TRIM16: variants seen among roughly 807,000 people sequenced by gnomAD.
TRIM16 encodes tripartite motif containing 16.
Under a neutral mutation model 50.4 loss-of-function variants are expected in TRIM16, and 33 were observed. The observed-to-expected ratio is 0.65, with a 90% CI of 0.50 to 0.88. TRIM16 has a LOEUF of 0.88. Among genes scored for constraint, TRIM16 ranks in the 40% least tolerant of loss-of-function variants. The pLI, the probability that TRIM16 is intolerant of heterozygous loss-of-function variation, is 0.00. For missense variants in TRIM16, 581 were observed against 686.8 expected (o/e 0.85, Z 1.72); for synonymous variants, 229 against 270.7 (o/e 0.85, Z 1.51).
chr17:15,629,840 A>G (rs1401394959), intron 11 of TRIM16, among the ~76,000 whole-genome samples: 1 of 152,094 alleles, frequency 6.6e-6, no homozygotes, highest in African/African-American at 2.4e-5. Context: ...ACTTCTCTCC[A>G]GCCCCCTGCT....
At chr17:15,668,276 T>G (rs1988584335) in intron 6 of TRIM16, among the ~76,000 whole-genome samples, 1 of 152,170 alleles carries the variant, frequency 6.6e-6, no homozygotes, top group Non-Finnish European at 1.5e-5. Context: ...GGATCAGTAG[T>G]TCTGTGCTAC....
Position 15,651,840 on chromosome 17 carries a change from C to T in TRIM16, c.-231G>A. 1 of 1,425,710 alleles carries T rather than the reference C, an allele frequency of 7.0e-7. No homozygotes were observed. The highest frequency in any genetic ancestry group is 1.5e-5 in the South Asian group (1 of 67,074). The allele number at this position is 1,425,710 out of a possible 1,614,324, so 88.3% of individuals were successfully genotyped here. A position where few individuals can be genotyped will look rare whatever the true frequency, so the allele number is the denominator to read the frequency against. On this transcript the variant is annotated 5_prime_UTR_variant, in exon 7 of 12. Coordinates refer to ENST00000649191, the MANE Select transcript of TRIM16 (RefSeq NM_001348119.1). ...GAGTACTCAGGCTCAGGACAGCCGG[C>T]TCAGGCTCAGGCTGCCTCCCCAGGT... is the stretch of plus-strand genomic sequence containing the variant.
chr17:15,679,711 G>A (rs1989099768), intron 4 of TRIM16, among the ~76,000 whole-genome samples: 2 of 152,182 alleles, frequency 1.3e-5, no homozygotes, highest in African/African-American at 4.8e-5. Flanking sequence ...GCCGAGGCGG[G>A]CAGATCACAA....
Position 15,642,587 on chromosome 17 carries a change from C to T in TRIM16, c.615+134G>A, listed in dbSNP as rs146788799. 615 of 1,347,882 alleles carry T rather than the reference C, an allele frequency of 4.6e-4. 16 individuals are homozygous for T. The African/African-American group carries it at 7.6e-3, about 17-fold the overall frequency. 83.5% of individuals were successfully genotyped at this position (1,347,882 alleles called of 1,614,324 possible). Reference sequence around the variant, plus strand: ...AAATCCTGACATCAAGGTGAGGCTACCGCATGGTGTAGTCAACTGTACCTA... The same window carrying T: ...AAATCCTGACATCAAGGTGAGGCTATCGCATGGTGTAGTCAACTGTACCTA... On this transcript the variant is annotated intron_variant, in intron 8 of 11. Transcript: ENST00000649191.
At chr17:15,637,859 A>G (rs1986912017) in intron 8 of TRIM16, among the ~76,000 whole-genome samples, 5 of 130,696 alleles carry the variant, frequency 3.8e-5, no homozygotes, top group African/African-American at 9.1e-5. Context: ...GTGTCTGTGT[A>G]GAAAGAAGTA....
intron 6 of TRIM16, among the ~76,000 whole-genome samples, chr17:15,669,613 CTT>C (rs1452922697): frequency 6.6e-6 from 1 of 152,016 alleles, no homozygotes; most frequent in Non-Finnish European, 1.5e-5. Flanking sequence ...GAATATTTCA[CTT>C]TTGTAATGTA....
intron 10 of TRIM16, 38 bp downstream of exon 10, chr17:15,632,471 C>T (rs1986478999): frequency 8.9e-6 from 14 of 1,566,952 alleles, no homozygotes; most frequent in Non-Finnish European, 1.2e-5. Context: ...CTGCTAGAGA[C>T]ACACTCACTA....
chr17:15,682,694 TTC>T (rs1989230788), intron 3 of TRIM16, among the ~76,000 whole-genome samples, 158 bp downstream of exon 3: 1 of 152,248 alleles, frequency 6.6e-6, no homozygotes, highest in Non-Finnish European at 1.5e-5. Flanking sequence ...CCATACCTAT[TTC>T]TTTCTTCTCT....
chr17:15,655,473 A>G (rs534585631), intron 6 of TRIM16, among the ~76,000 whole-genome samples: 2 of 152,260 alleles, frequency 1.3e-5, no homozygotes, highest in African/African-American at 4.8e-5. Context: ...CCCTTCATCA[A>G]TGCCCCACTG....
rs144270936 is a variant in TRIM16 at position 15,648,834 on chromosome 17, G to A, written c.519+2257C>T. Reference sequence around the variant, plus strand: ...CACTTACAGAGTAAACTTGCTCTCCGAGCTGAAAACAAGGACACAGGACAA... The same window carrying A: ...CACTTACAGAGTAAACTTGCTCTCCAAGCTGAAAACAAGGACACAGGACAA... On this transcript the variant is annotated intron_variant, in intron 7 of 11. Transcript: ENST00000649191. Among the ~76,000 whole-genome samples the A allele has an allele frequency of 5.3e-3, 800 of 152,274 alleles. 5 individuals are homozygous for A. Among genetic ancestry groups the A allele is most frequent in the Middle Eastern group, 0.044 (13 of 294 alleles).
chr17:15,631,291 G>A (rs1222391837), intron 11 of TRIM16, among the ~76,000 whole-genome samples: 1 of 152,180 alleles, frequency 6.6e-6, no homozygotes, highest in African/African-American at 2.4e-5. Context: ...AATAAATTCT[G>A]TAGATTAGTT....
chr17:15,637,416 C>T (rs1179197229), intron 8 of TRIM16, among the ~76,000 whole-genome samples: 1 of 111,104 alleles, frequency 9.0e-6, no homozygotes, highest in Non-Finnish European at 1.9e-5. Flanking sequence ...GCCCTCCGCC[C>T]GGCCAGCCGC....
intron 6 of TRIM16, among the ~76,000 whole-genome samples, chr17:15,663,665 G>A (rs544296060): frequency 6.6e-6 from 1 of 152,272 alleles, no homozygotes; most frequent in Non-Finnish European, 1.5e-5. Flanking sequence ...CATCCTAAAT[G>A]GTACACTCTC....
At chr17:15,631,921 G>A in intron 10 of TRIM16, 1 of 586,142 alleles carries the variant, frequency 1.7e-6, no homozygotes, top group Non-Finnish European at 3.0e-6. Context: ...AGACCATCTT[G>A]GATTTAACTT....
At chr17:15,663,056 G>A (rs1178837952) in intron 6 of TRIM16, among the ~76,000 whole-genome samples, 1 of 152,120 alleles carries the variant, frequency 6.6e-6, no homozygotes, top group East Asian at 1.9e-4. Context: ...TGTCAGCTCT[G>A]TCTTCTCGGG....
chr17:15,647,887 A>G (rs1301059051), intron 7 of TRIM16, among the ~76,000 whole-genome samples: 1 of 151,874 alleles, frequency 6.6e-6, no homozygotes, highest in Non-Finnish European at 1.5e-5. Context: ...AGATTCAGAG[A>G]AGGTGAGAAG....
At chr17:15,663,105 T>A (rs1988315356) in intron 6 of TRIM16, among the ~76,000 whole-genome samples, 1 of 152,114 alleles carries the variant, frequency 6.6e-6, no homozygotes, top group African/African-American at 2.4e-5. Flanking sequence ...AAGGGCACAA[T>A]ACCCCCTCAG....
At chr17:15,677,527 C>A (rs1988999633) in intron 5 of TRIM16, 48 bp downstream of exon 5, 2 of 1,029,140 alleles carry the variant, frequency 1.9e-6, no homozygotes, top group African/African-American at 3.4e-5. Context: ...CTTTAGAAGG[C>A]AAAGGTATCC....
chr17:15,683,096 G>A lies in TRIM16; in HGVS notation c.-837C>T. 6.4e-7 allele frequency: 1 copy of A among 1,550,472 alleles called. No individual in the cohort carries two copies. Among genetic ancestry groups the A allele is most frequent in the Non-Finnish European group, 8.7e-7 (1 of 1,146,976 alleles). On this transcript the variant is annotated 5_prime_UTR_variant, in exon 2 of 12. Transcript: ENST00000649191. ...ATCATAGCCTTTGCTTCACTATTTG[G>A]GTGTAGCAACCTTTCCGTTCTCCAC...
Sources: allele counts gnomAD v4.1 joint callset (sites outside exome capture counted in the v4.1 genomes callset), GRCh38; gene constraint gnomAD v4.1.1; transcripts MANE v1.5; gene names NCBI Gene and HGNC (gene_info 2026-07-23, HGNC 2026-07-21).